Variants in TMEM132D observed in about 807,000 individuals in gnomAD.
TMEM132D encodes the protein mature OL transmembrane protein.
A neutral mutation model predicts 62.3 loss-of-function variants in TMEM132D; 21 were observed. That is an observed-to-expected ratio of 0.34 (90% CI 0.24 to 0.49). The LOEUF is 0.49. TMEM132D is among the 20% of genes least tolerant of loss of function. TMEM132D has a pLI of 0.99. For synonymous variants in TMEM132D, 621 were observed against 575.6 expected (o/e 1.08, Z -1.13); for missense variants, 1,346 against 1,402.8 (o/e 0.96, Z 0.65).
chr12:129,631,147 C>G (rs951371145), intron 2 of TMEM132D, among the ~76,000 whole-genome samples: 1 of 152,162 alleles, frequency 6.6e-6, no homozygotes, highest in Admixed American at 6.5e-5. Context: ...TTAGCTTGCT[C>G]AAGGCCACCT....
chr12:129,271,802 G>T (rs1880860358), intron 4 of TMEM132D, among the ~76,000 whole-genome samples: 1 of 151,828 alleles, frequency 6.6e-6, no homozygotes, highest in Non-Finnish European at 1.5e-5. Flanking sequence ...TCTTTATCAA[G>T]TCTATCATTG....
At chr12:129,518,095 CT>C (rs1335808016) in intron 3 of TMEM132D, among the ~76,000 whole-genome samples, 1 of 152,088 alleles carries the variant, frequency 6.6e-6, no homozygotes, top group African/African-American at 2.4e-5. Context: ...TTTTTCCCCC[CT>C]AAGGAGGATA....
At chr12:129,424,836 G>A (rs372947398) in intron 3 of TMEM132D, among the ~76,000 whole-genome samples, 20 of 151,280 alleles carry the variant, frequency 1.3e-4, no homozygotes, top group East Asian at 3.9e-4. Flanking sequence ...TATTTAAAGC[G>A]TATAAAAAGA....
intron 5 of TMEM132D, among the ~76,000 whole-genome samples, chr12:129,116,947 A>AAAAAAAC (rs1875913016): frequency 1.6e-5 from 2 of 126,118 alleles, no homozygotes; most frequent in Admixed American, 8.7e-5. Context: ...AAAAAAAAAA[A>AAAAAAAC]TCTGTACGTG....
chr12:129,824,493 CAGGAGGTGAAGCACTT>C lies in TMEM132D; in HGVS notation c.79+78752_79+78767del, dbSNP rs1872612088. On this transcript the variant is annotated intron_variant, in intron 1 of 8. Coordinates refer to ENST00000422113, the MANE Select transcript of TMEM132D (RefSeq NM_133448.3). ...GCCCTCGCCCCAAGTATGACGGATT[CAGGAGGTGAAGCACTT>C]AGGAGGTGATGAGGCTTAGATGAGG... Among the ~76,000 whole-genome samples the C allele has an allele frequency of 3.3e-5, 5 of 152,020 alleles. No homozygotes were observed. The South Asian group carries it at 1.0e-3, about 32-fold the overall frequency.
In TMEM132D at chr12:129,800,673, G is replaced by A. The variant is rs543015904; in HGVS notation, c.80-99975C>T. 4.5e-4 allele frequency among the ~76,000 whole-genome samples: 68 copies of A among 152,240 alleles called. 1 individual carries two copies. Among genetic ancestry groups the A allele is most frequent in the African/African-American group, 1.4e-3 (59 of 41,538 alleles). On this transcript the variant is annotated intron_variant, in intron 1 of 8. Transcript: ENST00000422113. ...AACGTCACTGCAGGATCACTAGAAC[G>A]TGATTTGCCTGTTTAAAGTAATTAC...
intron 1 of TMEM132D, among the ~76,000 whole-genome samples, chr12:129,797,407 T>G (rs1871599006): frequency 6.6e-6 from 1 of 152,230 alleles, no homozygotes; most frequent in South Asian, 2.1e-4. Context: ...TCATATTCCC[T>G]GCACAGGAAC....
chr12:129,784,257 C>A (rs2137293188), intron 1 of TMEM132D, among the ~76,000 whole-genome samples: 1 of 152,312 alleles, frequency 6.6e-6, no homozygotes, highest in South Asian at 2.1e-4. Context: ...TGAAACTACT[C>A]TCTGAGTGGA....
At chr12:129,233,754 G>A (rs984882490) in intron 4 of TMEM132D, among the ~76,000 whole-genome samples, 3 of 152,084 alleles carry the variant, frequency 2.0e-5, no homozygotes, top group Non-Finnish European at 4.4e-5. Context: ...AGCCTCCTGA[G>A]TAGCTGGGAC....
chr12:129,429,943 T>C (rs1872607725), intron 3 of TMEM132D, among the ~76,000 whole-genome samples: 1 of 152,110 alleles, frequency 6.6e-6, no homozygotes, highest in African/African-American at 2.4e-5. Context: ...TAGTATTCCA[T>C]GGTGTATATG....
rs75347219 is a variant in TMEM132D at position 129,319,835 on chromosome 12, T to C, written c.1299+17799A>G. ...AGTGAGGAAATTGATGGCATGCGAA[T>C]CTCAGTTATACATGATACAGAACTG... On this transcript the variant is annotated intron_variant, in intron 4 of 8. Transcript: ENST00000422113. Among the ~76,000 whole-genome samples the C allele has an allele frequency of 9.4e-3, 1,426 of 152,314 alleles. 31 individuals carry two copies. The highest frequency in any genetic ancestry group is 0.032 in the African/African-American group (1,344 of 41,562).
chr12:129,216,562 G>A (rs1400947219), intron 4 of TMEM132D, among the ~76,000 whole-genome samples: 1 of 152,154 alleles, frequency 6.6e-6, no homozygotes, highest in Non-Finnish European at 1.5e-5. Context: ...AGGTAGGAAG[G>A]ATGCTTCCCT....
intron 1 of TMEM132D, among the ~76,000 whole-genome samples, chr12:129,895,499 C>A (rs1875078120): frequency 6.6e-6 from 1 of 152,226 alleles, no homozygotes; most frequent in South Asian, 2.1e-4. Flanking sequence ...TGGTTTGTGC[C>A]TCCCTGGTCT....
intron 1 of TMEM132D, among the ~76,000 whole-genome samples, chr12:129,719,410 A>G (rs544434310): frequency 4.3e-4 from 65 of 152,352 alleles, no homozygotes; most frequent in African/African-American, 1.5e-3. Context: ...TGGAATCTAA[A>G]TACAACAGAA....
chr12:129,640,895 C>T (rs973301863), intron 2 of TMEM132D, among the ~76,000 whole-genome samples: 13 of 152,134 alleles, frequency 8.5e-5, no homozygotes, highest in Non-Finnish European at 7.4e-5. Context: ...CTACTGTGAA[C>T]TGTGCATGCG....
intron 2 of TMEM132D, among the ~76,000 whole-genome samples, chr12:129,668,506 T>C (rs557849907): frequency 1.3e-5 from 2 of 151,870 alleles, no homozygotes; most frequent in Non-Finnish European, 2.9e-5. Flanking sequence ...GCCATTGGAA[T>C]AGAGGAAAAA....
At chr12:129,485,644 G>T (rs1439817834) in intron 3 of TMEM132D, among the ~76,000 whole-genome samples, 1 of 152,170 alleles carries the variant, frequency 6.6e-6, no homozygotes, top group African/African-American at 2.4e-5. Context: ...TTTGCAGAGG[G>T]CACGCCAGAA....
chr12:129,639,139 T>C (rs1214171180), intron 2 of TMEM132D, among the ~76,000 whole-genome samples: 1 of 151,956 alleles, frequency 6.6e-6, no homozygotes, highest in Non-Finnish European at 1.5e-5. Context: ...TCTCAGCACA[T>C]TGGGAGGCTG....
intron 2 of TMEM132D, among the ~76,000 whole-genome samples, chr12:129,577,105 G>T (rs1877684805): frequency 6.6e-6 from 1 of 151,766 alleles, no homozygotes; most frequent in African/African-American, 2.4e-5. Context: ...GTCACCGAAG[G>T]TTTACAGTAT....
Sources: allele counts gnomAD v4.1 joint callset (sites outside exome capture counted in the v4.1 genomes callset), GRCh38; gene constraint gnomAD v4.1.1; transcripts MANE v1.5; gene names NCBI Gene and HGNC (gene_info 2026-07-23, HGNC 2026-07-21).